The following PARD3B variants were observed in gnomAD, a reference collection of about 807,000 sequenced individuals.
PARD3B encodes par-3 family cell polarity regulator beta, also known as partitioning defective 3 homolog B.
A neutral mutation model predicts 130.2 loss-of-function variants in PARD3B; 103 were observed. The ratio of observed to expected loss-of-function variants is 0.79; its 90% CI spans 0.67 to 0.93. The LOEUF is 0.93. Among genes scored for constraint, PARD3B ranks in the 40% least tolerant of loss-of-function variants. PARD3B has a pLI of 0.00. For missense variants in PARD3B, 1,609 were observed against 1,499.2 expected (o/e 1.07, Z -1.21); for synonymous variants, 583 against 553.2 (o/e 1.05, Z -0.76).
At chr2:204,936,052 G>T (rs236826) in intron 2 of PARD3B, among the ~76,000 whole-genome samples, 2,237 of 152,330 alleles carry the variant, frequency 0.015, 64 homozygotes, top group African/African-American at 0.051. Context: ...TTTCTTTGAA[G>T]ATGGTTATAG....
chr2:205,543,811 T>C (rs1390386760), intron 21 of PARD3B, among the ~76,000 whole-genome samples: 2 of 152,252 alleles, frequency 1.3e-5, no homozygotes, highest in Admixed American at 6.5e-5. Flanking sequence ...ACTTGCCAAC[T>C]GGCTGAAATA....
At chr2:204,878,257 G>A (rs1449651868) in intron 2 of PARD3B, among the ~76,000 whole-genome samples, 1 of 152,036 alleles carries the variant, frequency 6.6e-6, no homozygotes, top group Non-Finnish European at 1.5e-5. Flanking sequence ...CTTTTTTAAT[G>A]AAAAGTATTT....
At chr2:204,879,769 C>T (rs1400197679) in intron 2 of PARD3B, among the ~76,000 whole-genome samples, 3 of 152,138 alleles carry the variant, frequency 2.0e-5, no homozygotes, top group African/African-American at 7.2e-5. Context: ...GGCGGTTTGG[C>T]CTGTATTCTT....
intron 2 of PARD3B, among the ~76,000 whole-genome samples, chr2:204,814,201 T>A (rs537745108): frequency 6.6e-6 from 1 of 151,974 alleles, no homozygotes; most frequent in Non-Finnish European, 1.5e-5. Context: ...CTTACAGTTT[T>A]CATAATTTTT....
chr2:204,829,601 T>C (rs1318111618), intron 2 of PARD3B, among the ~76,000 whole-genome samples: 1 of 152,132 alleles, frequency 6.6e-6, no homozygotes, highest in African/African-American at 2.4e-5. Context: ...ATCCCCAGTG[T>C]TGGCAGAGGG....
At chr2:205,582,021 C>G (rs2106572611) in intron 22 of PARD3B, among the ~76,000 whole-genome samples, 1 of 152,232 alleles carries the variant, frequency 6.6e-6, no homozygotes, top group East Asian at 1.9e-4. Flanking sequence ...ATGCATTAGC[C>G]AACCCAAATC....
intron 3 of PARD3B, among the ~76,000 whole-genome samples, chr2:204,973,859 T>C (rs982259826): frequency 2.6e-5 from 4 of 152,210 alleles, no homozygotes; most frequent in African/African-American, 9.6e-5. Flanking sequence ...TAAGGAAAGG[T>C]GACAGCCTTT....
intron 3 of PARD3B, among the ~76,000 whole-genome samples, chr2:205,024,297 A>G (rs1696856586): frequency 6.7e-6 from 1 of 149,112 alleles, no homozygotes; most frequent in Non-Finnish European, 1.5e-5. Flanking sequence ...CCTCCCAAGT[A>G]GTTGGGATTA....
chr2:204,939,428 C>G (rs1056434968), intron 2 of PARD3B, among the ~76,000 whole-genome samples: 1 of 152,138 alleles, frequency 6.6e-6, no homozygotes, highest in Non-Finnish European at 1.5e-5. Flanking sequence ...GAGTAGATCA[C>G]TAGAAGGCAA....
intron 19 of PARD3B, among the ~76,000 whole-genome samples, chr2:205,431,771 A>G (rs1462101048): frequency 6.6e-6 from 1 of 152,154 alleles, no homozygotes; most frequent in Non-Finnish European, 1.5e-5. Context: ...GACTGGCCAC[A>G]TCAATTTTTA....
chr2:205,107,896 A>G (rs1703339245), intron 5 of PARD3B, among the ~76,000 whole-genome samples: 1 of 152,220 alleles, frequency 6.6e-6, no homozygotes, highest in Non-Finnish European at 1.5e-5. Flanking sequence ...TTTAAATAGC[A>G]AGCAATATGT....
chr2:204,989,093 T>C (rs181454112), intron 3 of PARD3B, among the ~76,000 whole-genome samples: 18 of 152,192 alleles, frequency 1.2e-4, no homozygotes, highest in Admixed American at 1.2e-3. Context: ...ACAGTTTAAA[T>C]GTAATGTTAA....
chr2:205,334,726 G>A (rs2043249315), intron 18 of PARD3B, among the ~76,000 whole-genome samples: 2 of 152,124 alleles, frequency 1.3e-5, no homozygotes. Flanking sequence ...GTTGTCCTGT[G>A]GAAAGGAGGC....
intron 2 of PARD3B, among the ~76,000 whole-genome samples, chr2:204,714,954 GTA>G (rs1559082355): frequency 6.6e-6 from 1 of 152,142 alleles, no homozygotes. Flanking sequence ...ACAATTAGAG[GTA>G]TCCTAAGCAA....
At chr2:205,204,800 T>C (rs2037193770) in intron 15 of PARD3B, among the ~76,000 whole-genome samples, 1 of 152,166 alleles carries the variant, frequency 6.6e-6, no homozygotes, top group Non-Finnish European at 1.5e-5. Flanking sequence ...TCTGTTCCAT[T>C]GGTCTATATA....
rs567866246 is a variant in PARD3B at position 205,258,737 on chromosome 2, C to T, written c.2185+12915C>T. 1.7e-4 allele frequency among the ~76,000 whole-genome samples: 26 copies of T among 152,210 alleles called. No individual in the cohort carries two copies. The highest frequency in any genetic ancestry group is 6.3e-4 in the African/African-American group (26 of 41,528). On this transcript the variant is annotated intron_variant, in intron 16 of 22. Transcript: ENST00000406610. This position sits in a 1 kb window ranked among gnomAD's most constrained non-coding sequence, Gnocchi z 4.9. Reference sequence around the variant, plus strand: ...CTTAAGCTTTATGTGTATGTCTTGTCCTAATAAATAGCTGGATTTTGTTTT... The same window carrying T: ...CTTAAGCTTTATGTGTATGTCTTGTTCTAATAAATAGCTGGATTTTGTTTT...
intron 19 of PARD3B, among the ~76,000 whole-genome samples, chr2:205,439,678 T>C (rs1409269118): frequency 6.6e-6 from 1 of 152,188 alleles, no homozygotes; most frequent in Non-Finnish European, 1.5e-5. Flanking sequence ...GTTCTGCCAG[T>C]AATGGTGTTT....
chr2:205,245,640 G>A, intron 15 of PARD3B, 138 bp from the exon 16 acceptor site: 1 of 589,288 alleles, frequency 1.7e-6, no homozygotes, highest in South Asian at 3.2e-5. Flanking sequence ...CCCAGGGTAG[G>A]CTGGGAGAAA....
intron 21 of PARD3B, among the ~76,000 whole-genome samples, chr2:205,531,708 T>TG (rs1255926464): frequency 6.6e-6 from 1 of 151,984 alleles, no homozygotes; most frequent in Non-Finnish European, 1.5e-5. Context: ...CTCAGACCCC[T>TG]GCTGCTTATA....
Sources: gnomAD v4.1 joint callset for allele counts (sites outside exome capture counted in the v4.1 genomes callset) on GRCh38, gnomAD v4.1.1 for gene constraint, Gnocchi (gnomAD v3.1) non-coding constraint, MANE v1.5 for transcripts, NCBI Gene and HGNC (gene_info 2026-07-23, HGNC 2026-07-21) for gene names.